Variants in KCNH7 observed in about 807,000 individuals in gnomAD.
The protein encoded by KCNH7 is potassium voltage-gated channel subfamily H member 7.
In KCNH7, 49 loss-of-function variants were observed where a neutral mutation model predicts 120.8. The ratio of observed to expected loss-of-function variants is 0.41; its 90% confidence interval spans 0.32 to 0.51. The LOEUF is 0.51. Ranked by LOEUF, KCNH7 falls within the 20% of genes least tolerant of loss-of-function variation. The pLI is 0.38. For missense variants in KCNH7, 1,097 were observed against 1,446.6 expected (o/e 0.76, Z 3.92); for synonymous variants, 547 against 516.1 (o/e 1.06, Z -0.81).
intron 2 of KCNH7, among the ~76,000 whole-genome samples, chr2:162,596,102 G>T (rs916433350): frequency 6.6e-6 from 1 of 151,960 alleles, no homozygotes; most frequent in Non-Finnish European, 1.5e-5. Flanking sequence ...TTGATTAGAA[G>T]AATTAATATT....
intron 2 of KCNH7, among the ~76,000 whole-genome samples, chr2:162,581,158 G>C (rs1236073744): frequency 6.6e-6 from 1 of 151,998 alleles, no homozygotes; most frequent in East Asian, 1.9e-4. Flanking sequence ...ATATCTCCCT[G>C]ATTTCTGAGC....
At chr2:162,559,167 A>T (rs1692973252) in intron 2 of KCNH7, among the ~76,000 whole-genome samples, 1 of 151,970 alleles carries the variant, frequency 6.6e-6, no homozygotes, top group Non-Finnish European at 1.5e-5. Flanking sequence ...TGTAAATGAT[A>T]AAAATTGCTA....
At chr2:162,814,491 C>T (rs1009142128) in intron 2 of KCNH7, among the ~76,000 whole-genome samples, 2 of 152,110 alleles carry the variant, frequency 1.3e-5, no homozygotes, top group Non-Finnish European at 1.5e-5. Context: ...GTAAATCTGT[C>T]GTTTGGAACA....
At chr2:162,761,039 A>T (rs1171585663) in intron 2 of KCNH7, among the ~76,000 whole-genome samples, 3 of 152,116 alleles carry the variant, frequency 2.0e-5, no homozygotes, top group Non-Finnish European at 4.4e-5. Context: ...AGTCAGGTGG[A>T]TACATTACAG....
rs1360883118 is a variant in KCNH7, at chr2:162,794,695, C to G, written c.307+41842G>C. 5.9e-5 allele frequency among the ~76,000 whole-genome samples: 9 copies of G among 152,040 alleles called. No individual in the cohort carries two copies. In the South Asian group the frequency reaches 1.9e-3, roughly 31 times the overall value. Reference sequence around the variant, plus strand: ...GACAAGTTTTACTTGATTGAATTACCTGAAGTTGCTCTATTAATTAGGCTT... The same window carrying G: ...GACAAGTTTTACTTGATTGAATTACGTGAAGTTGCTCTATTAATTAGGCTT... On this transcript the variant is annotated intron_variant, in intron 2 of 15. Transcript: ENST00000332142.
At chr2:162,373,227 A>G (rs979636888) in intron 15 of KCNH7, among the ~76,000 whole-genome samples, 1 of 152,198 alleles carries the variant, frequency 6.6e-6, no homozygotes, top group Non-Finnish European at 1.5e-5. Context: ...TTTAAAAAAA[A>G]TGCTAATGTT....
chr2:162,754,742 G>A (rs1310799924), intron 2 of KCNH7, among the ~76,000 whole-genome samples: 1 of 152,114 alleles, frequency 6.6e-6, no homozygotes, highest in Admixed American at 6.5e-5. Flanking sequence ...AAACCAGCAG[G>A]AAGTAATGTC....
At chr2:162,765,715 T>C (rs1349549060) in intron 2 of KCNH7, among the ~76,000 whole-genome samples, 9 of 152,232 alleles carry the variant, frequency 5.9e-5, no homozygotes, top group African/African-American at 2.2e-4. Context: ...AATAAATGAA[T>C]GAATTTTACT....
At chr2:162,473,310 G>T (rs1689628318) in intron 6 of KCNH7, among the ~76,000 whole-genome samples, 1 of 152,064 alleles carries the variant, frequency 6.6e-6, no homozygotes, top group African/African-American at 2.4e-5. Flanking sequence ...GAGGAGTTTG[G>T]CTTGGGAGTG....
At chr2:162,782,949 A>G (rs573010936) in intron 2 of KCNH7, among the ~76,000 whole-genome samples, 63 of 152,314 alleles carry the variant, frequency 4.1e-4, no homozygotes, top group African/African-American at 1.5e-3. Context: ...TTGAGTAGCA[A>G]TTAGTCTCTG....
intron 5 of KCNH7, among the ~76,000 whole-genome samples, chr2:162,507,808 C>T (rs1235480074): frequency 6.6e-6 from 1 of 151,408 alleles, no homozygotes; most frequent in Non-Finnish European, 1.5e-5. Context: ...TAGTTACTTC[C>T]CATTTTTAAA....
In KCNH7 at chr2:162,838,661, A is replaced by C; in HGVS notation, c.-143T>G. 2 of 624,118 alleles carry C rather than the reference A, an allele frequency of 3.2e-6. No homozygotes were observed. The highest frequency in any genetic ancestry group is 5.6e-6 in the Non-Finnish European group (2 of 357,470). The allele number at this position is 624,118 out of a possible 1,614,324, so 38.7% of individuals were successfully genotyped here. On this transcript the variant is annotated 5_prime_UTR_variant, in exon 1 of 16. Coordinates refer to ENST00000332142, the MANE Select transcript of KCNH7 (RefSeq NM_033272.4). Reference sequence around the variant, plus strand: ...TTGAAACCAGAATTCTCTTCCCATTAGCACCACTTCTAGACACCCGCTTTC... The same window carrying C: ...TTGAAACCAGAATTCTCTTCCCATTCGCACCACTTCTAGACACCCGCTTTC...
At chr2:162,587,134 A>C (rs944466792) in intron 2 of KCNH7, among the ~76,000 whole-genome samples, 2 of 152,138 alleles carry the variant, frequency 1.3e-5, no homozygotes, top group Admixed American at 1.3e-4. Context: ...TTATGAATTT[A>C]ATTTTCTGCT....
intron 2 of KCNH7, among the ~76,000 whole-genome samples, chr2:162,715,464 A>G (rs1278022098): frequency 6.6e-6 from 1 of 152,150 alleles, no homozygotes; most frequent in Admixed American, 6.6e-5. Context: ...TATCCAAACT[A>G]TATCAGTTGG....
chr2:162,522,820 C>G (rs1257588690), intron 3 of KCNH7, among the ~76,000 whole-genome samples: 1 of 151,742 alleles, frequency 6.6e-6, no homozygotes, highest in Non-Finnish European at 1.5e-5. Flanking sequence ...TCTAAGAAGG[C>G]ATATAGTTGT....
In KCNH7 at chr2:162,411,221, C is replaced by T. The variant is rs555355851; in HGVS notation, c.2155-10780G>A. ...CCAACCAATATAAGATGCCTATCAA[C>T]GGTGGACTGGATAAAGAAAATGTGG... is the stretch of plus-strand genomic sequence containing the variant. On this transcript the variant is annotated intron_variant, in intron 9 of 15. Coordinates refer to ENST00000332142, the MANE Select transcript of KCNH7 (RefSeq NM_033272.4). Among the ~76,000 whole-genome samples, 44 of 151,876 alleles carry T rather than the reference C, an allele frequency of 2.9e-4. No individual in the cohort carries two copies. In the South Asian group the frequency reaches 3.1e-3, roughly 11 times the overall value.
intron 2 of KCNH7, among the ~76,000 whole-genome samples, chr2:162,729,677 A>G (rs1052660173): frequency 5.3e-5 from 8 of 152,196 alleles, no homozygotes; most frequent in African/African-American, 1.7e-4. Flanking sequence ...ACTATAAGTA[A>G]TAAGAGTGGA....
chr2:162,794,122 T>C (rs1346292226), intron 2 of KCNH7, among the ~76,000 whole-genome samples: 1 of 151,878 alleles, frequency 6.6e-6, no homozygotes, highest in African/African-American at 2.4e-5. Context: ...TGTTTCTCAT[T>C]TAGAAATTTG....
intron 2 of KCNH7, among the ~76,000 whole-genome samples, chr2:162,590,555 TA>T (rs899784964): frequency 3.3e-5 from 5 of 152,034 alleles, no homozygotes; most frequent in African/African-American, 4.8e-5. Context: ...CAAAGGGAAA[TA>T]AATGAAAAGC....
Sources: allele counts gnomAD v4.1 joint callset (sites outside exome capture counted in the v4.1 genomes callset), GRCh38; gene constraint gnomAD v4.1.1; transcripts MANE v1.5; gene names NCBI Gene and HGNC (gene_info 2026-07-23, HGNC 2026-07-21).